NBEA: variants seen among roughly 807,000 people sequenced by gnomAD.
The protein encoded by NBEA is neurobeachin.
Under a neutral mutation model 343.4 loss-of-function variants are expected in NBEA, and 44 were observed. The ratio of observed to expected loss-of-function variants is 0.13; its 90% CI spans 0.10 to 0.16. The LOEUF (loss-of-function observed/expected upper bound fraction) is 0.16, where lower values mean the gene tolerates loss of function less well. Ranked by LOEUF, NBEA falls within the 10% of genes least tolerant of loss-of-function variation. NBEA has a pLI of 1.00. For missense variants in NBEA, 2,555 were observed against 3,631.3 expected (o/e 0.70, Z 7.62); for synonymous variants, 1,175 against 1,238.7 (o/e 0.95, Z 1.08).
intron 41 of NBEA, among the ~76,000 whole-genome samples, chr13:35,493,346 C>T (rs546644020): frequency 1.3e-5 from 2 of 152,062 alleles, no homozygotes; most frequent in South Asian, 4.1e-4. Flanking sequence ...TCATCAACAA[C>T]TAATGATATG....
At chr13:35,611,043 G>A (rs1474816581) in intron 48 of NBEA, among the ~76,000 whole-genome samples, 42 of 129,860 alleles carry the variant, frequency 3.2e-4, no homozygotes, top group African/African-American at 1.2e-3. Context: ...AATTAAAAGG[G>A]GGAAAAAAAA....
At chr13:35,119,997 A>G (rs142146637) in intron 16 of NBEA, among the ~76,000 whole-genome samples, 1 of 152,230 alleles carries the variant, frequency 6.6e-6, no homozygotes, top group East Asian at 1.9e-4. Flanking sequence ...TAGTACAATT[A>G]CTCTCACTCT....
intron 1 of NBEA, among the ~76,000 whole-genome samples, chr13:34,981,755 T>C (rs2060362182): frequency 1.3e-5 from 2 of 151,316 alleles, no homozygotes; most frequent in African/African-American, 4.9e-5. Context: ...TATAATGGGG[T>C]TTTCTTTTTA....
intron 41 of NBEA, among the ~76,000 whole-genome samples, chr13:35,504,394 C>A (rs370018132): frequency 9.2e-5 from 14 of 152,128 alleles, no homozygotes; most frequent in African/African-American, 3.4e-4. Context: ...TTCCCTGAAA[C>A]CTTAGTAACA....
At chr13:35,179,825 G>A in intron 28 of NBEA, 2 of 981,688 alleles carry the variant, frequency 2.0e-6, no homozygotes, top group Non-Finnish European at 2.4e-6. Context: ...ATCTGATTGT[G>A]CTTCATTTTC....
chr13:35,472,941 A>G (rs1047558811), intron 41 of NBEA, among the ~76,000 whole-genome samples: 13 of 152,330 alleles, frequency 8.5e-5, no homozygotes, highest in African/African-American at 3.1e-4. Flanking sequence ...AGTTATAAGG[A>G]AACTGGGGGG....
intron 38 of NBEA, among the ~76,000 whole-genome samples, chr13:35,389,086 A>C (rs143781080): frequency 1.4e-5 from 2 of 146,910 alleles, no homozygotes; most frequent in South Asian, 2.1e-4. Flanking sequence ...GTTTGCTCCC[A>C]CTCTGACCAC....
intron 1 of NBEA, among the ~76,000 whole-genome samples, chr13:34,966,170 G>C (rs2059814979): frequency 6.6e-6 from 1 of 152,086 alleles, no homozygotes; most frequent in Non-Finnish European, 1.5e-5. Flanking sequence ...TTGAAGCTAA[G>C]AACTTTGGGC....
intron 10 of NBEA, among the ~76,000 whole-genome samples, chr13:35,082,233 C>A (rs1354059519): frequency 6.6e-6 from 1 of 152,088 alleles, no homozygotes; most frequent in Non-Finnish European, 1.5e-5. Context: ...CATGTCCCTA[C>A]AAAGGACATG....
intron 10 of NBEA, among the ~76,000 whole-genome samples, chr13:35,075,876 A>G (rs2064091393): frequency 6.6e-6 from 1 of 152,002 alleles, no homozygotes; most frequent in African/African-American, 2.4e-5. Flanking sequence ...ATTTCCTCAT[A>G]CACTTAGAAG....
intron 1 of NBEA, among the ~76,000 whole-genome samples, chr13:34,954,951 T>C (rs1241870656): frequency 1.3e-5 from 2 of 152,332 alleles, no homozygotes; most frequent in Non-Finnish European, 2.9e-5. Flanking sequence ...ACATGGTTTA[T>C]ATTTTAAAAA....
chr13:35,615,604 A>G (rs2082705302), intron 48 of NBEA, among the ~76,000 whole-genome samples: 1 of 152,010 alleles, frequency 6.6e-6, no homozygotes, highest in South Asian at 2.1e-4. Context: ...CTCAGCCTCC[A>G]AAAGTGCTGG....
intron 10 of NBEA, among the ~76,000 whole-genome samples, chr13:35,087,683 C>T (rs2064844907): frequency 6.6e-6 from 1 of 151,830 alleles, no homozygotes; most frequent in Admixed American, 6.6e-5. Context: ...ATCAACATTA[C>T]AGCCCAAAAG....
At chr13:35,255,674 G>T (rs73169709) in intron 34 of NBEA, among the ~76,000 whole-genome samples, 1 of 152,224 alleles carries the variant, frequency 6.6e-6, no homozygotes, top group Non-Finnish European at 1.5e-5. Context: ...AAATTACAGA[G>T]CCCCAGAAAG....
chr13:35,338,810 G>T (rs961401220), intron 36 of NBEA, among the ~76,000 whole-genome samples: 3 of 152,008 alleles, frequency 2.0e-5, no homozygotes, highest in African/African-American at 7.2e-5. Flanking sequence ...GATTAAATGG[G>T]ATTTATTCCA....
At chr13:35,351,941 A>G (rs2040221646) in intron 37 of NBEA, among the ~76,000 whole-genome samples, 1 of 152,040 alleles carries the variant, frequency 6.6e-6, no homozygotes, top group South Asian at 2.1e-4. Flanking sequence ...TAATTACTTC[A>G]ATATTATTCA....
chr13:35,365,680 A>G (rs979603222), intron 38 of NBEA, among the ~76,000 whole-genome samples: 1 of 151,616 alleles, frequency 6.6e-6, no homozygotes, highest in African/African-American at 2.4e-5. Context: ...ATTTTTATTT[A>G]TATATCATCA....
intron 17 of NBEA, among the ~76,000 whole-genome samples, chr13:35,141,641 A>G (rs529892880): frequency 5.9e-5 from 9 of 152,342 alleles, no homozygotes; most frequent in Admixed American, 4.6e-4. Flanking sequence ...GAGTTCCAGG[A>G]GGCCTTTAAT....
intron 41 of NBEA, among the ~76,000 whole-genome samples, chr13:35,509,768 A>G (rs895024598): frequency 2.0e-5 from 3 of 152,186 alleles, no homozygotes; most frequent in African/African-American, 7.2e-5. Context: ...TTCAAGAAGG[A>G]TGGACTGACC....
Sources: gnomAD v4.1 joint callset for allele counts (sites outside exome capture counted in the v4.1 genomes callset) on GRCh38, gnomAD v4.1.1 for gene constraint, MANE v1.5 for transcripts, NCBI Gene and HGNC (gene_info 2026-07-23, HGNC 2026-07-21) for gene names.